The following FBXL22 variants were observed in gnomAD, a reference collection of about 807,000 sequenced individuals.
FBXL22 encodes F-box and leucine-rich protein 22.
In FBXL22, 13 loss-of-function variants were observed where a neutral mutation model predicts 11.7. That is an observed-to-expected ratio of 1.11 (90% CI 0.73 to 1.77). FBXL22 has a LOEUF of 1.77. Among genes scored for constraint, FBXL22 ranks in the 40% most tolerant of loss-of-function variants. The probability of loss-of-function intolerance (pLI) is 0.00; values close to 1 mark genes in which losing one functional copy is unlikely to be tolerated. For missense variants in FBXL22, 406 were observed against 320.4 expected, an observed-to-expected ratio of 1.27 and a Z score of -2.04; for synonymous variants, 160 against 144.1, an observed-to-expected ratio of 1.11 and a Z score of -0.79.
At chr15:63,601,599 G>A (rs765326945), downstream of FBXL22, 1 of 1,582,698 alleles carries the variant, frequency 6.3e-7, no homozygotes, top group East Asian at 2.3e-5. Context: ...CGGGCAGAAG[G>A]AGCCACCGAG....
downstream of FBXL22, chr15:63,601,685 G>T (rs778754321): frequency 4.4e-6 from 7 of 1,604,226 alleles, no homozygotes; most frequent in Admixed American, 1.7e-5. Flanking sequence ...TTCCCGCAGT[G>T]ACCGCACTCG....
rs796317935 is a variant in FBXL22, at chr15:63,600,876, A to T, written c.533A>T (p.His178Leu). 9 of 1,227,058 alleles carry T rather than the reference A, an allele frequency of 7.3e-6. No homozygotes were observed. The highest frequency in any genetic ancestry group is 6.2e-5 in the African/African-American group (4 of 64,154). 76.0% of individuals were successfully genotyped at this position (1,227,058 alleles called of 1,614,324 possible). ...AADGRALQTL[H>L]VDFCRNVSAA... is the part of the protein sequence containing the mutation. Reference sequence around the variant, plus strand: ...GACGGGCGCGCGCTGCAGACATTGCACGTGGACTTCTGCCGCAACGTGAGC... The same window carrying T: ...GACGGGCGCGCGCTGCAGACATTGCTCGTGGACTTCTGCCGCAACGTGAGC... Residue 178 changes from histidine to leucine, a missense_variant, in exon 2 of 2, where the codon CAC (histidine) becomes CTC (leucine). Transcript: ENST00000638704.
chr15:63,597,928 G>T lies in FBXL22; in HGVS notation c.353+183G>T, dbSNP rs2067299974. Among the ~76,000 whole-genome samples the T allele has an allele frequency of 6.6e-6, 1 of 152,204 alleles. No homozygotes were observed. Among genetic ancestry groups the T allele is most frequent in the Non-Finnish European group, 1.5e-5 (1 of 68,038 alleles). On this transcript the variant is annotated intron_variant, in intron 1 of 1. Coordinates refer to ENST00000638704, the MANE Select transcript of FBXL22 (RefSeq NM_001367807.1). This position sits in a 1 kb window ranked among gnomAD's most constrained non-coding sequence, Gnocchi z 4.3. The stretch of plus-strand genomic sequence containing the variant: ...CCCAGGAGACAATAAAATCATGAGG[G>T]AAACAATTGCTAATCCTCCTCTTAG...
downstream of FBXL22, chr15:63,601,757 T>C: frequency 6.7e-7 from 1 of 1,496,864 alleles, no homozygotes; most frequent in South Asian, 1.3e-5. Flanking sequence ...GTTACCCATA[T>C]TTTCTACTGT....
chr15:63,603,059 C>G (rs1321475476), downstream of FBXL22, among the ~76,000 whole-genome samples: 3 of 152,170 alleles, frequency 2.0e-5, no homozygotes, highest in African/African-American at 7.2e-5. Flanking sequence ...TTTCATTTAT[C>G]TAACTGTATG....
At chr15:63,601,300 T>TC (rs746499898), downstream of FBXL22, 1 of 1,584,726 alleles carries the variant, frequency 6.3e-7, no homozygotes, top group South Asian at 1.1e-5. Context: ...CCCCAGGCTT[T>TC]CTGCTGTGCG....
chr15:63,601,592 G>C, downstream of FBXL22: 5 of 1,577,312 alleles, frequency 3.2e-6, no homozygotes, highest in Non-Finnish European at 4.3e-6. Flanking sequence ...GGGCGCACGG[G>C]CAGAAGGAGC....
At chr15:63,606,458 CCTCT>C (rs1204086063), downstream of FBXL22, among the ~76,000 whole-genome samples, 3 of 152,200 alleles carry the variant, frequency 2.0e-5, no homozygotes, top group Admixed American at 6.5e-5. Flanking sequence ...ACTGCCTAAG[CCTCT>C]CTAAGAGCTG....
At chr15:63,601,811 TCAAA>T, downstream of FBXL22, 1 of 1,336,982 alleles carries the variant, frequency 7.5e-7, no homozygotes, top group Non-Finnish European at 9.8e-7. Context: ...AAAAAAAGCC[TCAAA>T]CTAAACAAAA....
At chr15:63,599,808 C>A in intron 1 of FBXL22, 3 of 986,000 alleles carry the variant, frequency 3.0e-6, no homozygotes, top group Non-Finnish European at 3.6e-6. Context: ...TGGAAGCAGG[C>A]TGGTCCCGTT....
chr15:63,602,585 CAAAAAAAAAAAAA>C (rs35457809), downstream of FBXL22, among the ~76,000 whole-genome samples: 2 of 74,596 alleles, frequency 2.7e-5, no homozygotes, highest in Non-Finnish European at 4.9e-5. Context: ...ACTCTTGTCT[CAAAAAAAAAAAAA>C]AAAAAAAAAA....
chr15:63,601,424 CG>C, downstream of FBXL22: 7 of 1,585,564 alleles, frequency 4.4e-6, no homozygotes, highest in African/African-American at 2.7e-5. Flanking sequence ...GACTTGCGCT[CG>C]GGGGTGACGG....
chr15:63,600,757 G>GGCGCGCCTGCTGCGCTGCTGC lies in FBXL22; in HGVS notation c.415_435dup (p.Ala139_Cys145dup), dbSNP rs2067355109. The GGCGCGCCTGCTGCGCTGCTGC allele has an allele frequency of 8.1e-7, 1 of 1,231,342 alleles. No individual in the cohort carries two copies. The highest frequency in any genetic ancestry group is 1.0e-6 in the Non-Finnish European group (1 of 987,756). 76.3% of individuals were successfully genotyped at this position (1,231,342 alleles called of 1,614,324 possible). On this transcript the variant is annotated inframe_insertion, in exon 2 of 2. Coordinates refer to ENST00000638704, the MANE Select transcript of FBXL22 (RefSeq NM_001367807.1). ...GCGGCCACGTTACCGACGACTGCCTGGCGCGCCTGCTGCGCTGCTGCCCAC... is the reference window on the plus strand; with the variant it reads ...GCGGCCACGTTACCGACGACTGCCTGGCGCGCCTGCTGCGCTGCTGCGCGCGCCTGCTGCGCTGCTGCCCAC...
downstream of FBXL22, among the ~76,000 whole-genome samples, chr15:63,604,164 A>G (rs757392157): frequency 6.6e-6 from 1 of 152,144 alleles, no homozygotes; most frequent in African/African-American, 2.4e-5. Context: ...TAGCTCTGTG[A>G]CCAAGGACAG....
intron 1 of FBXL22, among the ~76,000 whole-genome samples, chr15:63,598,400 A>G (rs1366265996): frequency 6.6e-6 from 1 of 152,200 alleles, no homozygotes; most frequent in South Asian, 2.1e-4. Flanking sequence ...ACAGTGAATA[A>G]TATTTTAGTG....
chr15:63,601,748 T>C, downstream of FBXL22: 2 of 1,524,956 alleles, frequency 1.3e-6, no homozygotes, highest in African/African-American at 2.8e-5. Context: ...AACTGCATAG[T>C]TACCCATATT....
chr15:63,600,768 T>C lies in FBXL22; in HGVS notation c.425T>C (p.Leu142Pro), dbSNP rs953071071. The C allele has an allele frequency of 2.4e-6, 3 of 1,231,358 alleles. No individual in the cohort carries two copies. The highest frequency in any genetic ancestry group is 3.0e-6 in the Non-Finnish European group (3 of 987,694). 76.3% of individuals were successfully genotyped at this position (1,231,358 alleles called of 1,614,324 possible). Residue 142 changes from leucine (L) to proline (P), a missense_variant, in exon 2 of 2, where the codon CTG becomes CCG. Transcript: ENST00000638704. ...HVTDDCLARL[L>P]RCCPRLRALR... ...ACCGACGACTGCCTGGCGCGCCTGCTGCGCTGCTGCCCACGCCTGCGCGCA... is the reference window on the plus strand; with the variant it reads ...ACCGACGACTGCCTGGCGCGCCTGCCGCGCTGCTGCCCACGCCTGCGCGCA...
downstream of FBXL22, chr15:63,601,346 C>CG: frequency 6.2e-7 from 1 of 1,603,648 alleles, no homozygotes; most frequent in Non-Finnish European, 8.5e-7. Context: ...GCACCGTCCT[C>CG]GGGGACTCCG....
At chr15:63,601,341 G>C (rs376856221), downstream of FBXL22, 3 of 1,602,970 alleles carry the variant, frequency 1.9e-6, no homozygotes, top group South Asian at 3.3e-5. Flanking sequence ...CGCCTGCACC[G>C]TCCTCGGGGA....
Sources: allele counts gnomAD v4.1 joint callset (sites outside exome capture counted in the v4.1 genomes callset), GRCh38; gene constraint gnomAD v4.1.1; non-coding constraint Gnocchi (gnomAD v3.1); transcripts MANE v1.5; gene names NCBI Gene and HGNC (gene_info 2026-07-23, HGNC 2026-07-21).